MYL3: variants seen among roughly 807,000 people sequenced by gnomAD.
MYL3 encodes CMLC1.
In MYL3, 11 loss-of-function variants were observed where a neutral mutation model predicts 21.3. That is an observed-to-expected ratio of 0.52 (90% CI 0.32 to 0.85). The LOEUF (loss-of-function observed/expected upper bound fraction) is 0.85, where lower values mean the gene tolerates loss of function less well. MYL3 is among the 40% of genes least tolerant of loss of function. The pLI, the probability that MYL3 is intolerant of heterozygous loss-of-function variation, is 0.03. For missense variants in MYL3, 206 were observed against 253.3 expected (o/e 0.81, Z 1.27); for synonymous variants, 88 against 91.6 (o/e 0.96, Z 0.22).
In MYL3 at chr3:46,863,218, C is replaced by A. The variant is rs936175; in HGVS notation, c.129+44G>T. ...TGCTAGGTCCACTCTGGGATCCACT[C>A]ACTTGCCCTGCTCCTATTGCCACCA... On this transcript the variant is annotated intron_variant, in intron 1 of 6. Transcript: ENST00000292327. 0.17 allele frequency: 274,412 copies of A among 1,612,216 alleles called. 39,244 individuals are homozygous for A. Among genetic ancestry groups the A allele is most frequent in the African/African-American group, 0.7 (52,587 of 74,900 alleles).
At chr3:46,867,523 T>A (rs191056173), upstream of MYL3, among the ~76,000 whole-genome samples, 2 of 152,176 alleles carry the variant, frequency 1.3e-5, no homozygotes, top group African/African-American at 4.8e-5. Context: ...GGTTGCCACG[T>A]GGAGGGTGGG....
chr3:46,873,838 G>C lies in MYL3; in HGVS notation c.-217-7238C>G, dbSNP rs566034649. Among the ~76,000 whole-genome samples, 7 of 152,366 alleles carry C rather than the reference G, an allele frequency of 4.6e-5. No individual in the cohort carries two copies. The East Asian group carries it at 1.2e-3, about 25-fold the overall frequency. On this transcript the variant is annotated intron_variant, in intron 1 of 3. Transcript: ENST00000431168. ...AGAGAGGCCCCAGAGATAGAGCAGAGGTCAGGGCAGGCAGGAGCTGGGTGT... is the reference window on the plus strand; with the variant it reads ...AGAGAGGCCCCAGAGATAGAGCAGACGTCAGGGCAGGCAGGAGCTGGGTGT...
upstream of MYL3, among the ~76,000 whole-genome samples, chr3:46,864,076 G>A (rs751248219): frequency 1.3e-5 from 2 of 151,944 alleles, no homozygotes; most frequent in Non-Finnish European, 2.9e-5. This position sits in a 1 kb window ranked among gnomAD's most constrained non-coding sequence, Gnocchi z 4.7. Flanking sequence ...GGGGCTCTGT[G>A]CGTGCCTATG....
rs79092876 is a variant in MYL3, at chr3:46,870,680, G to A, written c.-217-4080C>T. 2.0e-5 allele frequency among the ~76,000 whole-genome samples: 3 copies of A among 152,216 alleles called. No individual in the cohort carries two copies. The East Asian group carries it at 5.8e-4, about 29-fold the overall frequency. On this transcript the variant is annotated intron_variant, in intron 1 of 3. Coordinates refer to the MYL3 transcript ENST00000431168. ...TTTATGTATCCACCCTCCCAGTGTG[G>A]CTATGTCTGAAACACACACGCACTA... is the stretch of plus-strand genomic sequence containing the variant.
rs2030387869 is a variant in MYL3 at position 46,878,864 on chromosome 3, C to T, written c.-218+3210G>A. Among the ~76,000 whole-genome samples, 4 of 152,308 alleles carry T rather than the reference C, an allele frequency of 2.6e-5. No homozygotes were observed. In the East Asian group the frequency reaches 7.7e-4, roughly 29 times the overall value. On this transcript the variant is annotated intron_variant, in intron 1 of 3. Coordinates refer to the MYL3 transcript ENST00000431168. Reference sequence around the variant, plus strand: ...GACCACCCTGGCTCCTCCTCCTAGGCCCCAGCCTGGGGATTAGAGACAGGG... The same window carrying T: ...GACCACCCTGGCTCCTCCTCCTAGGTCCCAGCCTGGGGATTAGAGACAGGG...
At chr3:46,865,017 C>G (rs899425240), upstream of MYL3, among the ~76,000 whole-genome samples, 1 of 152,226 alleles carries the variant, frequency 6.6e-6, no homozygotes, top group Non-Finnish European at 1.5e-5. This position sits in a 1 kb window ranked among gnomAD's most constrained non-coding sequence, Gnocchi z 4.3. Flanking sequence ...TTGATAGAAA[C>G]TTCAAAGCCA....
chr3:46,873,429 A>G (rs1197153730), intron 1 of MYL3, among the ~76,000 whole-genome samples: 1 of 152,190 alleles, frequency 6.6e-6, no homozygotes, highest in East Asian at 1.9e-4. Context: ...AGCTTGCAGA[A>G]CACATTGTTC....
At chr3:46,873,686 C>T (rs2030029105) in intron 1 of MYL3, among the ~76,000 whole-genome samples, 1 of 152,164 alleles carries the variant, frequency 6.6e-6, no homozygotes, top group African/African-American at 2.4e-5. Context: ...ACTGGATGGC[C>T]CTGAGTTCAG....
chr3:46,867,599 C>A (rs538178904), upstream of MYL3, among the ~76,000 whole-genome samples: 143 of 152,320 alleles, frequency 9.4e-4, no homozygotes, highest in African/African-American at 3.4e-3. Context: ...CAGGGTCGGG[C>A]TCCCCACGTG....
chr3:46,867,793 G>T (rs1702061539), upstream of MYL3, among the ~76,000 whole-genome samples: 1 of 152,244 alleles, frequency 6.6e-6, no homozygotes, highest in African/African-American at 2.4e-5. Context: ...CGCGCAGCAG[G>T]TCCTGGGGAC....
At chr3:46,865,104 G>A (rs918639906), upstream of MYL3, among the ~76,000 whole-genome samples, 1 of 152,146 alleles carries the variant, frequency 6.6e-6, no homozygotes, top group Admixed American at 6.5e-5. This position sits in a 1 kb window ranked among gnomAD's most constrained non-coding sequence, Gnocchi z 4.3. Context: ...TACCTGGCAC[G>A]CCCTGCTGTC....
chr3:46,871,711 G>C (rs1322817999), intron 1 of MYL3, among the ~76,000 whole-genome samples: 1 of 152,226 alleles, frequency 6.6e-6, no homozygotes, highest in African/African-American at 2.4e-5. Flanking sequence ...AGAGCCTAGA[G>C]CCTACGGGTA....
In MYL3 at chr3:46,868,881, G is replaced by T. The variant is rs549992925; in HGVS notation, c.-217-2281C>A. On this transcript the variant is annotated intron_variant, in intron 1 of 3. Transcript: ENST00000431168. ...AAGAGTGAGCATCAGTTGGGTCTGT[G>T]CATTCTGGGTGCATGAGATGGAGTC... Among the ~76,000 whole-genome samples, 33 of 152,352 alleles carry T rather than the reference G, an allele frequency of 2.2e-4. No homozygotes were observed. The South Asian group carries it at 2.5e-3, about 11-fold the overall frequency.
intron 1 of MYL3, among the ~76,000 whole-genome samples, chr3:46,876,532 T>C (rs2030225634): frequency 1.3e-5 from 2 of 152,212 alleles, no homozygotes; most frequent in South Asian, 4.1e-4. Flanking sequence ...GCCAGTCCAT[T>C]CTGCTCTTTG....
upstream of MYL3, chr3:46,863,565 T>G (rs1391714237): frequency 1.5e-6 from 1 of 672,500 alleles, no homozygotes; most frequent in South Asian, 1.9e-5. Flanking sequence ...AGGGGCTATT[T>G]TGGGGCCTGG....
At chr3:46,863,537 A>C (rs1702014482), upstream of MYL3, 2 of 847,748 alleles carry the variant, frequency 2.4e-6, no homozygotes, top group South Asian at 1.7e-5. Context: ...AGGGCCATAA[A>C]AGGATATGGC....
intron 1 of MYL3, among the ~76,000 whole-genome samples, chr3:46,881,733 G>C (rs1344645557): frequency 6.6e-6 from 1 of 152,040 alleles, no homozygotes; most frequent in Non-Finnish European, 1.5e-5. Context: ...GGCTGGACGT[G>C]GGGGAGGGCG....
Position 46,874,673 on chromosome 3 carries a change from G to T in MYL3, c.-218+7401C>A, listed in dbSNP as rs1482563986. ...TAGCAGCAGCGGGAGCCCATGCAGG[G>T]AGAGGCGGAAACACGTGTCAAACAC... is the stretch of plus-strand genomic sequence containing the variant. On this transcript the variant is annotated intron_variant, in intron 1 of 3. Coordinates refer to the MYL3 transcript ENST00000431168. The surrounding 1 kb of genome is among the most constrained non-coding windows in gnomAD (Gnocchi z 4.1). Among the ~76,000 whole-genome samples, 5 of 152,230 alleles carry T rather than the reference G, an allele frequency of 3.3e-5. No individual in the cohort carries two copies. In the East Asian group the frequency reaches 9.6e-4, roughly 29 times the overall value.
chr3:46,880,349 G>A (rs1046260910), intron 1 of MYL3: 1 of 152,258 alleles, frequency 6.6e-6, no homozygotes, highest in Non-Finnish European at 1.5e-5. Flanking sequence ...GTTAGGGAGA[G>A]TCATTTTTGG....
Sources: gnomAD v4.1 joint callset for allele counts (sites outside exome capture counted in the v4.1 genomes callset) on GRCh38, gnomAD v4.1.1 for gene constraint, Gnocchi (gnomAD v3.1) non-coding constraint, MANE v1.5 for transcripts, NCBI Gene and HGNC (gene_info 2026-07-23, HGNC 2026-07-21) for gene names.